The following LAG3 variants were observed in gnomAD, a reference collection of about 807,000 sequenced individuals.
LAG3 encodes lymphocyte activation gene 3 protein.
A neutral mutation model predicts 49.0 loss-of-function variants in LAG3; 29 were observed. That is an observed-to-expected ratio of 0.59 (90% confidence interval 0.44 to 0.81). The LOEUF (loss-of-function observed/expected upper bound fraction) is 0.81. Ranked by LOEUF, LAG3 falls within the 30% of genes least tolerant of loss-of-function variation. The pLI is 0.00. For missense variants in LAG3, 693 were observed against 695.2 expected, an observed-to-expected ratio of 1.00 and a Z score of 0.04; for synonymous variants, 320 against 297.3, an observed-to-expected ratio of 1.08 and a Z score of -0.79.
intron 5 of LAG3, 156 bp downstream of exon 5, chr12:6,775,704 A>C: frequency 2.0e-5 from 13 of 662,872 alleles, no homozygotes; most frequent in Admixed American, 2.9e-5. Flanking sequence ...CACTTTTCTC[A>C]CCCCCATAAT....
At position 6,772,836 on chromosome 12, in the gene LAG3, C is replaced by A; in HGVS notation, c.-17C>A. Reference sequence around the variant, plus strand: ...CCTCCTTTTGGAGGGCTCAGCGCTGCCCAGACCATAGGAGAGATGTGGGAG... The same window carrying A: ...CCTCCTTTTGGAGGGCTCAGCGCTGACCAGACCATAGGAGAGATGTGGGAG... On this transcript the variant is annotated 5_prime_UTR_variant, in exon 1 of 8. Transcript: ENST00000203629. 1 of 1,535,774 alleles carries A rather than the reference C, an allele frequency of 6.5e-7. No homozygotes were observed. The highest frequency in any genetic ancestry group is 8.8e-7 in the Non-Finnish European group (1 of 1,132,834).
chr12:6,778,241 C>G lies in LAG3; in HGVS notation c.1432-3C>G. On this transcript the variant is annotated splice_polypyrimidine_tract_variant and splice_region_variant and intron_variant, in intron 7 of 7. Transcript: ENST00000203629. ...CCGTCTCTCTCTCCATCTCTTCTCA[C>G]AGTGGCGACCAAGACGATTTTCTGC... is the stretch of plus-strand genomic sequence containing the variant. 6.3e-7 allele frequency: 1 copy of G among 1,578,312 alleles called. No individual in the cohort carries two copies. Among genetic ancestry groups the G allele is most frequent in the East Asian group, 2.4e-5 (1 of 42,478 alleles).
In LAG3 at chr12:6,777,963, G is replaced by A. The variant is rs544852745; in HGVS notation, c.1431+42G>A. 6.1e-5 allele frequency: 99 copies of A among 1,609,830 alleles called. 1 individual carries two copies. The East Asian group carries it at 1.4e-3, about 23-fold the overall frequency. On this transcript the variant is annotated intron_variant, in intron 7 of 7. Coordinates refer to ENST00000203629, the MANE Select transcript of LAG3 (RefSeq NM_002286.6). ...GCAACCCCGCCCCCCAGCAGCTCCCGCTCTTCCATCCTCAGAGTGCTGATG... is the reference window on the plus strand; with the variant it reads ...GCAACCCCGCCCCCCAGCAGCTCCCACTCTTCCATCCTCAGAGTGCTGATG...
chr12:6,775,151 T>C, intron 4 of LAG3, 122 bp from the exon 5 acceptor site: 4 of 1,124,954 alleles, frequency 3.6e-6, no homozygotes, highest in East Asian at 2.4e-5. Context: ...CTTATTCTGC[T>C]CCTTAGCACT....
chr12:6,775,611 C>A, intron 5 of LAG3, 63 bp downstream of exon 5: 1 of 1,550,568 alleles, frequency 6.4e-7, no homozygotes, highest in Non-Finnish European at 8.8e-7. Context: ...GGAGGAAGGG[C>A]TGGCAGGGCA....
Position 6,773,084 on chromosome 12 carries a change from A to C in LAG3, c.59-108A>C. 1 of 1,444,522 alleles carries C rather than the reference A, an allele frequency of 6.9e-7. No homozygotes were observed. The highest frequency in any genetic ancestry group is 1.3e-5 in the South Asian group (1 of 76,754). 89.5% of individuals were successfully genotyped at this position (1,444,522 alleles called of 1,614,324 possible). A position where few individuals can be genotyped will look rare whatever the true frequency, so the allele number is the denominator to read the frequency against. On this transcript the variant is annotated intron_variant, in intron 1 of 7. Transcript: ENST00000203629. This position sits in a 1 kb window ranked among gnomAD's most constrained non-coding sequence, Gnocchi z 5.5. The stretch of plus-strand genomic sequence containing the variant: ...CTGGGCAGAGAAGAAACAGAAACCC[A>C]AGTTCTTCCTGCACCCTGTTTCTCC...
chr12:6,772,926 C>T lies in LAG3; in HGVS notation c.58+16C>T, dbSNP rs573572366. 112 of 1,613,146 alleles carry T rather than the reference C, an allele frequency of 6.9e-5. No homozygotes were observed. In the South Asian group the frequency reaches 1.1e-3, roughly 16 times the overall value. On this transcript the variant is annotated intron_variant, in intron 1 of 7. Coordinates refer to ENST00000203629, the MANE Select transcript of LAG3 (RefSeq NM_002286.6). ...GTGGCTCCAGGTAAAACGGGGATGG[C>T]GGGAGGGTTGACCTCCAGCCCCACA...
At chr12:6,778,202 C>T (rs1373052371) in intron 7 of LAG3, 42 bp from the exon 8 acceptor site, 11 of 1,535,520 alleles carry the variant, frequency 7.2e-6, no homozygotes, top group Non-Finnish European at 9.7e-6. Context: ...TCATCCTTCT[C>T]CTCCTTCCGC....
At chr12:6,772,965 A>G in intron 1 of LAG3, 55 bp downstream of exon 1, 2 of 1,574,760 alleles carry the variant, frequency 1.3e-6, no homozygotes, top group Non-Finnish European at 1.7e-6. Context: ...GGGGACCAGC[A>G]GGGATCTCTG....
intron 5 of LAG3, 65 bp downstream of exon 5, chr12:6,775,613 G>A (rs772869206): frequency 4.5e-5 from 69 of 1,549,564 alleles, no homozygotes; most frequent in Admixed American, 1.2e-4. Context: ...AGGAAGGGCT[G>A]GCAGGGCAAA....
rs2137805951 is a variant in LAG3 at position 6,773,565 on chromosome 12, G to C, written c.207-132G>C. Reference sequence around the variant, plus strand: ...ATGCGGCCAGTCCAACAGAGGGGTCGGGCGTGAGGGGACGGTTGGTGGTCA... The same window carrying C: ...ATGCGGCCAGTCCAACAGAGGGGTCCGGCGTGAGGGGACGGTTGGTGGTCA... On this transcript the variant is annotated intron_variant, in intron 2 of 7. Transcript: ENST00000203629. This position sits in a 1 kb window ranked among gnomAD's most constrained non-coding sequence, Gnocchi z 5.5. The C allele has an allele frequency of 2.6e-6, 3 of 1,175,176 alleles. No individual in the cohort carries two copies. The highest frequency in any genetic ancestry group is 2.0e-5 in the South Asian group (1 of 51,280). 72.8% of individuals were successfully genotyped at this position (1,175,176 alleles called of 1,614,324 possible).
Position 6,777,471 on chromosome 12 carries a change from G to A in LAG3, c.1265G>A (p.Gly422Glu), listed in dbSNP as rs1375115847. Residue 422 changes from glycine (G) to glutamate (E), a missense_variant, in exon 6 of 8, where the codon GGA (glycine) becomes GAA (glutamate). Coordinates refer to ENST00000203629, the MANE Select transcript of LAG3 (RefSeq NM_002286.6). ...CTGTACCAGGGGGAGAGGCTTCTTG[G>A]AGCAGCAGTGTACTTCACAGAGCTG... ...CQLYQGERLLGAAVYFTELSS... is the reference protein window; with the variant it reads ...CQLYQGERLLEAAVYFTELSS... The A allele has an allele frequency of 6.2e-7, 1 of 1,614,108 alleles. No individual in the cohort carries two copies. Among genetic ancestry groups the A allele is most frequent in the Admixed American group, 1.7e-5 (1 of 60,034 alleles).
chr12:6,772,852 G>A lies in LAG3; in HGVS notation c.-1G>A. On this transcript the variant is annotated 5_prime_UTR_variant, in exon 1 of 8. Transcript: ENST00000203629. ...TCAGCGCTGCCCAGACCATAGGAGA[G>A]ATGTGGGAGGCTCAGTTCCTGGGCT... 1 of 1,612,778 alleles carries A rather than the reference G, an allele frequency of 6.2e-7. No individual in the cohort carries two copies. Among genetic ancestry groups the A allele is most frequent in the Non-Finnish European group, 8.5e-7 (1 of 1,179,772 alleles).
rs1243150306 is a variant in LAG3 at position 6,773,831 on chromosome 12, TGCCCCTG to T, written c.342_348del (p.Pro115SerfsTer55). ...CCCGGAGGCCTGCGCAGCGGGAGGC[TGCCCCTG>T]CAGCCCCGCGTCCAGCTGGATGAGC... On this transcript the variant is annotated frameshift_variant, in exon 3 of 8. Transcript: ENST00000203629. LOFTEE classifies it high-confidence loss of function. The surrounding 1 kb of genome is among the most constrained non-coding windows in gnomAD (Gnocchi z 5.5). The T allele has an allele frequency of 7.1e-7, 1 of 1,407,110 alleles. No individual in the cohort carries two copies. The highest frequency in any genetic ancestry group is 9.2e-7 in the Non-Finnish European group (1 of 1,085,608). 87.2% of individuals were successfully genotyped at this position (1,407,110 alleles called of 1,614,324 possible). A position where few individuals can be genotyped will look rare whatever the true frequency, so the allele number is the denominator to read the frequency against.
rs533477223 is a variant in LAG3 at position 6,778,042 on chromosome 12, C to T, written c.1431+121C>T. On this transcript the variant is annotated intron_variant, in intron 7 of 7. Coordinates refer to ENST00000203629, the MANE Select transcript of LAG3 (RefSeq NM_002286.6). ...TGGGACCCTGAACTTGCCCTCAGAG[C>T]CCCCCTTCTTCATAAGCCTCTCACT... 11 of 1,449,532 alleles carry T rather than the reference C, an allele frequency of 7.6e-6. No individual in the cohort carries two copies. In the East Asian group the frequency reaches 1.6e-4, roughly 21 times the overall value. The allele number at this position is 1,449,532 out of a possible 1,614,324, so 89.8% of individuals were successfully genotyped here.
chr12:6,773,547 C>A lies in LAG3; in HGVS notation c.207-150C>A. 1 of 1,112,980 alleles carries A rather than the reference C, an allele frequency of 9.0e-7. No individual in the cohort carries two copies. Among genetic ancestry groups the A allele is most frequent in the Non-Finnish European group, 1.2e-6 (1 of 829,822 alleles). The allele number at this position is 1,112,980 out of a possible 1,614,324, so 68.9% of individuals were successfully genotyped here. On this transcript the variant is annotated intron_variant, in intron 2 of 7. Coordinates refer to ENST00000203629, the MANE Select transcript of LAG3 (RefSeq NM_002286.6). This position sits in a 1 kb window ranked among gnomAD's most constrained non-coding sequence, Gnocchi z 5.5. Reference sequence around the variant, plus strand: ...CCTTCTCTCCAGAAGTGGATGCGGCCAGTCCAACAGAGGGGTCGGGCGTGA... The same window carrying A: ...CCTTCTCTCCAGAAGTGGATGCGGCAAGTCCAACAGAGGGGTCGGGCGTGA...
chr12:6,776,887 T>C (rs1253817765), intron 5 of LAG3, among the ~76,000 whole-genome samples: 1 of 152,182 alleles, frequency 6.6e-6, no homozygotes, highest in Non-Finnish European at 1.5e-5. Flanking sequence ...GTGAAGGCAG[T>C]AGGGAGCCTG....
rs758447601 is a variant in LAG3, at chr12:6,777,848, T to G, written c.1358T>G (p.Phe453Cys). ...GALPAGHLLL[F>C]LILGVLSLLL... ...CTCCCAGCAGGCCACCTCCTGCTGT[T>G]TCTCATCCTTGGTGTCCTTTCTCTG... Residue 453 changes from phenylalanine (F) to cysteine (C), a missense_variant, in exon 7 of 8, where the codon TTT becomes TGT. Phe to Cys is a radical substitution (Grantham distance 205). Transcript: ENST00000203629. 6.2e-7 allele frequency: 1 copy of G among 1,613,690 alleles called. No individual in the cohort carries two copies. Among genetic ancestry groups the G allele is most frequent in the African/African-American group, 1.3e-5 (1 of 74,918 alleles).
rs769484845 is a variant in LAG3 at position 6,775,327 on chromosome 12, G to A, written c.836G>A (p.Gly279Glu). The A allele has an allele frequency of 8.7e-5, 141 of 1,614,062 alleles. No homozygotes were observed. Among genetic ancestry groups the A allele is most frequent in the Non-Finnish European group, 1.1e-4 (131 of 1,180,040 alleles). Residue 279 changes from glycine to glutamate, a missense_variant, in exon 5 of 8, where the codon GGG becomes GAG. Coordinates refer to ENST00000203629, the MANE Select transcript of LAG3 (RefSeq NM_002286.6). Reference sequence around the variant, plus strand: ...TACGCTGGAGCAGGTTCCAGGGTGGGGCTGCCCTGCCGCCTGCCTGCTGGT... The same window carrying A: ...TACGCTGGAGCAGGTTCCAGGGTGGAGCTGCCCTGCCGCCTGCCTGCTGGT... Reference protein sequence around the residue: ...TVYAGAGSRVGLPCRLPAGVG... With the variant: ...TVYAGAGSRVELPCRLPAGVG...
Sources: allele counts gnomAD v4.1 joint callset (sites outside exome capture counted in the v4.1 genomes callset), GRCh38; gene constraint gnomAD v4.1.1; non-coding constraint Gnocchi (gnomAD v3.1); transcripts MANE v1.5; gene names NCBI Gene and HGNC (gene_info 2026-07-23, HGNC 2026-07-21).